ROR2: variants seen among roughly 807,000 people sequenced by gnomAD.
The protein encoded by ROR2 is ROR family WNT receptor 2.
A neutral mutation model predicts 74.9 loss-of-function variants in ROR2; 33 were observed. The observed-to-expected ratio is 0.44, with a 90% CI of 0.33 to 0.59. The LOEUF (loss-of-function observed/expected upper bound fraction) is 0.59. Ranked by LOEUF, ROR2 falls within the 20% of genes least tolerant of loss-of-function variation. The pLI, the probability that ROR2 is intolerant of heterozygous loss-of-function variation, is 0.02. For missense variants in ROR2, 1,216 were observed against 1,313.8 expected (o/e 0.93, Z 1.15); for synonymous variants, 586 against 558.7 (o/e 1.05, Z -0.69).
At chr9:91,855,352 C>T (rs1234462294) in intron 1 of ROR2, among the ~76,000 whole-genome samples, 1 of 152,246 alleles carries the variant, frequency 6.6e-6, no homozygotes, top group Non-Finnish European at 1.5e-5. Context: ...GACAAGTGCT[C>T]CTGAGACAGG....
At chr9:91,889,985 A>G (rs1262849207) in intron 1 of ROR2, among the ~76,000 whole-genome samples, 1 of 152,194 alleles carries the variant, frequency 6.6e-6, no homozygotes, top group Non-Finnish European at 1.5e-5. Flanking sequence ...GCCAACCAGA[A>G]CAGGCAAAAA....
chr9:91,804,882 T>C (rs1308201559), intron 1 of ROR2, among the ~76,000 whole-genome samples: 2 of 152,236 alleles, frequency 1.3e-5, no homozygotes, highest in East Asian at 3.8e-4. Flanking sequence ...GCCCTCTCTA[T>C]GACTGCACAC....
chr9:91,746,221 C>T (rs1195305527), intron 4 of ROR2, among the ~76,000 whole-genome samples: 3 of 152,060 alleles, frequency 2.0e-5, no homozygotes, highest in Admixed American at 6.6e-5. Context: ...GGATTACAGG[C>T]ACGCACCACC....
At chr9:91,940,664 C>T (rs953305400) in intron 1 of ROR2, among the ~76,000 whole-genome samples, 2 of 150,382 alleles carry the variant, frequency 1.3e-5, no homozygotes, top group Non-Finnish European at 2.9e-5. Flanking sequence ...GCTCGATCTC[C>T]GCTCACTGTG....
rs77200959 is a variant in ROR2, at chr9:91,782,137, G to C, written c.98-6319C>G. On this transcript the variant is annotated intron_variant, in intron 1 of 8. Transcript: ENST00000375708. ...AAATGCCGCACCTCCACCCCCACCA[G>C]ATACAGTGAGAAGGTGAGGTCCCCT... 6.4e-3 allele frequency among the ~76,000 whole-genome samples: 975 copies of C among 152,350 alleles called. 11 individuals carry two copies. The highest frequency in any genetic ancestry group is 0.022 in the African/African-American group (920 of 41,580).
At chr9:91,818,926 C>A (rs1246286952) in intron 1 of ROR2, among the ~76,000 whole-genome samples, 2 of 152,186 alleles carry the variant, frequency 1.3e-5, no homozygotes, top group African/African-American at 4.8e-5. Context: ...GTCCTGCCCC[C>A]TCCCTCTTCT....
rs1023221002 is a variant in ROR2, at chr9:91,723,402, C to T, written c.*260G>A. 1 of 559,238 alleles carries T rather than the reference C, an allele frequency of 1.8e-6. No individual in the cohort carries two copies. The highest frequency in any genetic ancestry group is 3.0e-5 in the East Asian group (1 of 33,206). 34.6% of individuals were successfully genotyped at this position (559,238 alleles called of 1,614,324 possible). Reference sequence around the variant, plus strand: ...CTACCACCAGAATCAATGTATACAGCCCTGGGGATGACCATGTGTCCTGCT... The same window carrying T: ...CTACCACCAGAATCAATGTATACAGTCCTGGGGATGACCATGTGTCCTGCT... On this transcript the variant is annotated 3_prime_UTR_variant, in exon 9 of 9. Coordinates refer to ENST00000375708, the MANE Select transcript of ROR2 (RefSeq NM_004560.4).
chr9:91,756,041 G>C (rs763283464), intron 4 of ROR2, 30 bp downstream of exon 4: 1 of 1,611,044 alleles, frequency 6.2e-7, no homozygotes, highest in South Asian at 1.1e-5. Flanking sequence ...CAGAGCAGCA[G>C]AACACGGCTT....
intron 2 of ROR2, among the ~76,000 whole-genome samples, chr9:91,773,393 A>T (rs774575708): frequency 1.3e-5 from 2 of 152,062 alleles, no homozygotes; most frequent in Non-Finnish European, 2.9e-5. Context: ...CACAGAGTAA[A>T]TCAAACTGCA....
intron 1 of ROR2, among the ~76,000 whole-genome samples, chr9:91,840,710 G>A (rs751267086): frequency 6.6e-6 from 1 of 152,198 alleles, no homozygotes; most frequent in Non-Finnish European, 1.5e-5. Context: ...AGGCGGTGAT[G>A]GCCAGAACCA....
At position 91,724,663 on chromosome 9, in the gene ROR2, C is replaced by G. The variant is rs374748836; in HGVS notation, c.1831G>C (p.Val611Leu). Residue 611 changes from valine (V) to leucine (L), a missense_variant, in exon 9 of 9, where the codon GTG becomes CTG. Coordinates refer to ENST00000375708, the MANE Select transcript of ROR2 (RefSeq NM_004560.4). ...AGMEYLSSHH[V>L]VHKDLATRNV... The stretch of plus-strand genomic sequence containing the variant: ...CGGGTGGCCAGGTCCTTGTGAACCA[C>G]GTGGTGGCTGGATAGGTACTCCATC... 2.5e-6 allele frequency: 4 copies of G among 1,614,082 alleles called. No individual in the cohort carries two copies. The highest frequency in any genetic ancestry group is 8.5e-7 in the Non-Finnish European group (1 of 1,180,050).
At chr9:91,898,061 A>C (rs1830582446) in intron 1 of ROR2, among the ~76,000 whole-genome samples, 1 of 151,334 alleles carries the variant, frequency 6.6e-6, no homozygotes, top group East Asian at 2.0e-4. Context: ...CTCGGGCCAC[A>C]CCCCTGGGCC....
chr9:91,778,521 G>A (rs899088708), intron 1 of ROR2, among the ~76,000 whole-genome samples: 4 of 152,210 alleles, frequency 2.6e-5, no homozygotes, highest in African/African-American at 9.7e-5. Context: ...CTCGTTAGTT[G>A]CCTGGATTTA....
chr9:91,926,586 A>G (rs1448169446), intron 1 of ROR2, among the ~76,000 whole-genome samples: 3 of 151,764 alleles, frequency 2.0e-5, no homozygotes, highest in Non-Finnish European at 4.4e-5. Context: ...TTATCCTTGC[A>G]ACAGGATTTG....
Position 91,867,183 on chromosome 9 carries a change from A to G in ROR2, c.97+82684T>C, listed in dbSNP as rs1041052338. Reference sequence around the variant, plus strand: ...ACTCATACAAGGGCATCAGCACAGAAGAGAGCTTCCAGAGGAGGCTTCCAG... The same window carrying G: ...ACTCATACAAGGGCATCAGCACAGAGGAGAGCTTCCAGAGGAGGCTTCCAG... On this transcript the variant is annotated intron_variant, in intron 1 of 8. Coordinates refer to ENST00000375708, the MANE Select transcript of ROR2 (RefSeq NM_004560.4). Among the ~76,000 whole-genome samples the G allele has an allele frequency of 6.6e-5, 10 of 152,342 alleles. 1 individual carries two copies. Among genetic ancestry groups the G allele is most frequent in the Admixed American group, 1.3e-4 (2 of 15,304 alleles).
At chr9:91,913,876 G>C (rs991722630) in intron 1 of ROR2, among the ~76,000 whole-genome samples, 1 of 152,094 alleles carries the variant, frequency 6.6e-6, no homozygotes, top group Admixed American at 6.5e-5. Flanking sequence ...TGAAAAGTTC[G>C]GGAGATGGAT....
intron 2 of ROR2, among the ~76,000 whole-genome samples, chr9:91,770,956 G>A (rs369536326): frequency 4.6e-4 from 70 of 152,232 alleles, no homozygotes; most frequent in African/African-American, 1.7e-3. Context: ...AGACCAATAG[G>A]CATGGTCTCC....
chr9:91,924,834 CTT>C lies in ROR2; in HGVS notation c.97+25031_97+25032del, dbSNP rs1047218778. ...GACGCGGGGCAGGCCCAAGAGTTTGCTTTTTTTGTTTTGTTTGTGTGTTTGTT... is the reference window on the plus strand; with the variant it reads ...GACGCGGGGCAGGCCCAAGAGTTTGCTTTTTGTTTTGTTTGTGTGTTTGTT... On this transcript the variant is annotated intron_variant, in intron 1 of 8. Transcript: ENST00000375708. Among the ~76,000 whole-genome samples the C allele has an allele frequency of 6.7e-4, 102 of 151,752 alleles. 1 individual carries two copies. The highest frequency in any genetic ancestry group is 8.8e-4 in the Non-Finnish European group (60 of 67,922).
intron 4 of ROR2, among the ~76,000 whole-genome samples, chr9:91,738,665 G>C (rs1825117955): frequency 6.6e-6 from 1 of 152,216 alleles, no homozygotes; most frequent in Non-Finnish European, 1.5e-5. Flanking sequence ...ACTCCAAGAA[G>C]TCCAAGCCTC....
Sources: allele counts gnomAD v4.1 joint callset (sites outside exome capture counted in the v4.1 genomes callset), GRCh38; gene constraint gnomAD v4.1.1; transcripts MANE v1.5; gene names NCBI Gene and HGNC (gene_info 2026-07-23, HGNC 2026-07-21).